The following PLCB1 variants were observed in gnomAD, a reference collection of about 807,000 sequenced individuals.
PLCB1 encodes the protein 1-phosphatidylinositol 4,5-bisphosphate phosphodiesterase beta-1.
In PLCB1, 46 loss-of-function variants were observed where a neutral mutation model predicts 161.8. The observed-to-expected ratio is 0.28, with a 90% CI of 0.22 to 0.36. The LOEUF (loss-of-function observed/expected upper bound fraction) is 0.36, where lower values mean the gene tolerates loss of function less well. PLCB1 is among the 10% of genes least tolerant of loss of function. The pLI is 1.00. For missense variants in PLCB1, 1,016 were observed against 1,472.5 expected, an observed-to-expected ratio of 0.69 and a Z score of 5.07; for synonymous variants, 517 against 503.7, an observed-to-expected ratio of 1.03 and a Z score of -0.35.
intron 11 of PLCB1, among the ~76,000 whole-genome samples, chr20:8,701,193 TAAG>T (rs757109441): frequency 6.6e-6 from 1 of 151,992 alleles, no homozygotes; most frequent in Non-Finnish European, 1.5e-5. Context: ...TAAGAAAGAG[TAAG>T]AAGAGAAACA....
chr20:8,848,647 C>T (rs1480189118), intron 31 of PLCB1, among the ~76,000 whole-genome samples: 1 of 152,214 alleles, frequency 6.6e-6, no homozygotes, highest in East Asian at 1.9e-4. Flanking sequence ...GAGTCATAGT[C>T]TTGTGTACTA....
At chr20:8,577,772 C>T (rs1024994192) in intron 3 of PLCB1, among the ~76,000 whole-genome samples, 5 of 152,118 alleles carry the variant, frequency 3.3e-5, no homozygotes, top group Admixed American at 2.0e-4. Context: ...TTATCAATGC[C>T]TTTATTTTTC....
At chr20:8,871,832 T>C (rs566784012) in intron 31 of PLCB1, among the ~76,000 whole-genome samples, 7 of 152,338 alleles carry the variant, frequency 4.6e-5, no homozygotes, top group Admixed American at 4.6e-4. Context: ...TTTTTAAAAA[T>C]GAGGTTACAC....
intron 12 of PLCB1, among the ~76,000 whole-genome samples, chr20:8,710,624 C>T (rs1039839808): frequency 6.8e-6 from 1 of 147,464 alleles, no homozygotes; most frequent in African/African-American, 2.5e-5. Context: ...AAGCAATTCT[C>T]CTGCCTCAGC....
At chr20:8,149,240 C>G (rs1406673060) in intron 1 of PLCB1, among the ~76,000 whole-genome samples, 1 of 152,122 alleles carries the variant, frequency 6.6e-6, no homozygotes, top group Non-Finnish European at 1.5e-5. Context: ...TCACAGCAAC[C>G]TTCTGAGTTA....
chr20:8,268,122 C>T (rs1392696530), intron 2 of PLCB1, among the ~76,000 whole-genome samples: 2 of 152,156 alleles, frequency 1.3e-5, no homozygotes, highest in African/African-American at 2.4e-5. Flanking sequence ...CCCTCTCCCC[C>T]CACCTCATGA....
chr20:8,404,432 C>A (rs1978698189), intron 3 of PLCB1, among the ~76,000 whole-genome samples: 1 of 152,168 alleles, frequency 6.6e-6, no homozygotes, highest in African/African-American at 2.4e-5. Flanking sequence ...CATCTCCTGG[C>A]ACCGAACTGA....
chr20:8,553,979 G>A (rs1294007704), intron 3 of PLCB1, among the ~76,000 whole-genome samples: 1 of 151,864 alleles, frequency 6.6e-6, no homozygotes, highest in Non-Finnish European at 1.5e-5. Context: ...TCCAGCCTGG[G>A]CAACAGAGCA....
At chr20:8,431,756 G>A (rs1218093100) in intron 3 of PLCB1, among the ~76,000 whole-genome samples, 1 of 152,110 alleles carries the variant, frequency 6.6e-6, no homozygotes, top group East Asian at 1.9e-4. Flanking sequence ...TTACGCTGGG[G>A]TCTGAGTTTT....
At chr20:8,371,348 C>T (rs757194175) in intron 2 of PLCB1, 34 bp from the exon 3 acceptor site, 24 of 1,492,190 alleles carry the variant, frequency 1.6e-5, no homozygotes, top group African/African-American at 2.8e-5. Context: ...AGGTCTGTGT[C>T]GTTGCTTAAC....
chr20:8,187,457 T>C (rs894604202), intron 2 of PLCB1, among the ~76,000 whole-genome samples: 3 of 152,334 alleles, frequency 2.0e-5, no homozygotes, highest in African/African-American at 7.2e-5. Flanking sequence ...CCATTTCTGT[T>C]ATGACAGTTC....
At chr20:8,575,206 A>G (rs1378875747) in intron 3 of PLCB1, among the ~76,000 whole-genome samples, 1 of 152,232 alleles carries the variant, frequency 6.6e-6, no homozygotes, top group African/African-American at 2.4e-5. Flanking sequence ...CATGAGTAAA[A>G]TGTGTCTTCA....
rs75197656 is a variant in PLCB1, at chr20:8,799,340, T to A, written c.3423+9079T>A. Among the ~76,000 whole-genome samples, 768 of 152,308 alleles carry A rather than the reference T, an allele frequency of 5.0e-3. 6 individuals carry two copies. The highest frequency in any genetic ancestry group is 0.018 in the African/African-American group (735 of 41,560). ...ACACCGGGAATAGGATGAGGTGGAC[T>A]TTTATCATATTGGCTTTCATCTGCC... On this transcript the variant is annotated intron_variant, in intron 31 of 31. Coordinates refer to ENST00000338037, the MANE Select transcript of PLCB1 (RefSeq NM_015192.4).
At chr20:8,485,534 T>C (rs1982681759) in intron 3 of PLCB1, among the ~76,000 whole-genome samples, 1 of 152,214 alleles carries the variant, frequency 6.6e-6, no homozygotes, top group African/African-American at 2.4e-5. Context: ...TGCTATTATA[T>C]AGGTTCATTA....
chr20:8,583,806 G>A (rs1458130298), intron 3 of PLCB1, among the ~76,000 whole-genome samples: 1 of 152,176 alleles, frequency 6.6e-6, no homozygotes, highest in African/African-American at 2.4e-5. Context: ...CATTTAAGGT[G>A]GAGAAATGTA....
Position 8,486,626 on chromosome 20 carries a change from G to T in PLCB1, c.246+115176G>T, listed in dbSNP as rs376102167. Among the ~76,000 whole-genome samples, 3 of 150,998 alleles carry T rather than the reference G, an allele frequency of 2.0e-5. No individual in the cohort carries two copies. The South Asian group carries it at 6.3e-4, about 31-fold the overall frequency. On this transcript the variant is annotated intron_variant, in intron 3 of 31. Transcript: ENST00000338037. The stretch of plus-strand genomic sequence containing the variant: ...TTCTCCTGCCTCAGCCTCCCGAGTA[G>T]CTGGGACTACAGGCGCCCGCCACCG...
intron 2 of PLCB1, among the ~76,000 whole-genome samples, chr20:8,246,977 T>C (rs1980908364): frequency 6.6e-6 from 1 of 151,928 alleles, no homozygotes; most frequent in Admixed American, 6.6e-5. Context: ...TACTGTGGTT[T>C]TCCACAGCAG....
intron 7 of PLCB1, chr20:8,649,949 GA>G (rs1327551233): frequency 1.3e-5 from 2 of 152,858 alleles, no homozygotes; most frequent in Non-Finnish European, 2.9e-5. Flanking sequence ...AACAGAGGCT[GA>G]AAAAAGTTTA....
chr20:8,478,861 A>C (rs1288065384), intron 3 of PLCB1, among the ~76,000 whole-genome samples: 1 of 152,116 alleles, frequency 6.6e-6, no homozygotes, highest in African/African-American at 2.4e-5. Context: ...GGCTCTTTTC[A>C]TAGATTAAAA....
Sources: gnomAD v4.1 joint callset for allele counts (sites outside exome capture counted in the v4.1 genomes callset) on GRCh38, gnomAD v4.1.1 for gene constraint, MANE v1.5 for transcripts, NCBI Gene and HGNC (gene_info 2026-07-23, HGNC 2026-07-21) for gene names.